CACNA1B: variants seen among roughly 807,000 people sequenced by gnomAD.
CACNA1B encodes the protein calcium voltage-gated channel subunit alpha1 B.
CACNA1B carries 70 observed loss-of-function variants against 247.2 expected under a neutral mutation model. The ratio of observed to expected loss-of-function variants is 0.28; its 90% CI spans 0.23 to 0.35. The LOEUF (loss-of-function observed/expected upper bound fraction) is 0.35. Ranked by LOEUF, CACNA1B falls within the 10% of genes least tolerant of loss-of-function variation. CACNA1B has a pLI of 1.00. For missense variants in CACNA1B, 2,367 were observed against 3,197.4 expected (o/e 0.74, Z 6.26); for synonymous variants, 1,231 against 1,294.4 (o/e 0.95, Z 1.05).
intron 15 of CACNA1B, among the ~76,000 whole-genome samples, chr9:138,004,420 C>T (rs1391833321): frequency 2.6e-5 from 4 of 151,836 alleles, no homozygotes; most frequent in Admixed American, 6.6e-5. Flanking sequence ...CATGGTGGCA[C>T]CTGCCTGTGG....
In CACNA1B at chr9:138,052,401, C is replaced by T. The variant is rs984165348; in HGVS notation, c.3807+213C>T. Among the ~76,000 whole-genome samples the T allele has an allele frequency of 1.3e-5, 2 of 152,130 alleles. No homozygotes were observed. The highest frequency in any genetic ancestry group is 4.8e-5 in the African/African-American group (2 of 41,438). On this transcript the variant is annotated intron_variant, in intron 25 of 46. Transcript: ENST00000371372. This position sits in a 1 kb window ranked among gnomAD's most constrained non-coding sequence, Gnocchi z 5.1. ...TCCTGTGAGAATCCTCCTCCTTAGCCCAGCAGGACCAGGCGGCACAGGGTT... is the reference window on the plus strand; with the variant it reads ...TCCTGTGAGAATCCTCCTCCTTAGCTCAGCAGGACCAGGCGGCACAGGGTT...
rs890343147 is a variant in CACNA1B at position 137,952,430 on chromosome 9, G to A, written c.1070+53G>A. ...GTGCCCCTCTGTGTTCTCAGCTGAG[G>A]GGTCAACAGGGGCACGTGTGACACT... On this transcript the variant is annotated intron_variant, in intron 7 of 46. Coordinates refer to ENST00000371372, the MANE Select transcript of CACNA1B (RefSeq NM_000718.4). This position sits in a 1 kb window ranked among gnomAD's most constrained non-coding sequence, Gnocchi z 4.8. 7.0e-7 allele frequency: 1 copy of A among 1,418,562 alleles called. No homozygotes were observed. Among genetic ancestry groups the A allele is most frequent in the Non-Finnish European group, 1.0e-6 (1 of 1,003,330 alleles). 87.9% of individuals were successfully genotyped at this position (1,418,562 alleles called of 1,614,324 possible).
In CACNA1B at chr9:138,050,987, G is replaced by A. The variant is rs1242134692; in HGVS notation, c.3711-1105G>A. On this transcript the variant is annotated intron_variant, in intron 24 of 46. Coordinates refer to ENST00000371372, the MANE Select transcript of CACNA1B (RefSeq NM_000718.4). The surrounding 1 kb of genome is among the most constrained non-coding windows in gnomAD (Gnocchi z 5.2). ...CTGGAGCCCCAGGAAGAGCACAGGG[G>A]GCAGGGCCACCCCTAGAAGCAGGCC... is the stretch of plus-strand genomic sequence containing the variant. Among the ~76,000 whole-genome samples, 1 of 152,148 alleles carries A rather than the reference G, an allele frequency of 6.6e-6. No homozygotes were observed. The highest frequency in any genetic ancestry group is 1.9e-4 in the East Asian group (1 of 5,180).
chr9:138,003,769 C>T (rs950430927), intron 15 of CACNA1B, among the ~76,000 whole-genome samples: 5 of 143,248 alleles, frequency 3.5e-5, no homozygotes, highest in Admixed American at 2.1e-4. Flanking sequence ...ATCAAACTCA[C>T]GGGCTTGCCT....
intron 23 of CACNA1B, 37 bp from the exon 24 acceptor site, chr9:138,049,172 G>T: frequency 7.4e-7 from 1 of 1,360,190 alleles, no homozygotes; most frequent in Non-Finnish European, 1.1e-6. Flanking sequence ...GTCTTTTCTG[G>T]ACTATGACGT....
intron 6 of CACNA1B, among the ~76,000 whole-genome samples, chr9:137,923,196 C>T (rs940161078): frequency 1.7e-4 from 25 of 149,876 alleles, no homozygotes; most frequent in African/African-American, 2.7e-4. Flanking sequence ...GGTGGTATTC[C>T]GTGGTGCCAG....
chr9:138,024,700 C>T (rs1958898837), intron 19 of CACNA1B, among the ~76,000 whole-genome samples: 1 of 152,172 alleles, frequency 6.6e-6, no homozygotes, highest in African/African-American at 2.4e-5. Flanking sequence ...GCAATCATGG[C>T]TCACTGCAGC....
At chr9:138,001,089 C>A (rs1958571689) in intron 15 of CACNA1B, among the ~76,000 whole-genome samples, 1 of 151,884 alleles carries the variant, frequency 6.6e-6, no homozygotes, top group Non-Finnish European at 1.5e-5. Flanking sequence ...TAAAAAAGAA[C>A]CTAATAGCTA....
intron 6 of CACNA1B, among the ~76,000 whole-genome samples, chr9:137,931,647 G>A (rs1957609212): frequency 6.6e-6 from 1 of 151,830 alleles, no homozygotes; most frequent in African/African-American, 2.4e-5. Context: ...TGCTGATTTG[G>A]GCACAGTTCC....
intron 20 of CACNA1B, chr9:138,040,720 G>A: frequency 4.8e-6 from 1 of 209,528 alleles, no homozygotes; most frequent in South Asian, 5.5e-5. Context: ...GACATTCGCT[G>A]GCAGCTGATT....
Position 138,007,224 on chromosome 9 carries a change from G to A in CACNA1B, c.2092+340G>A, listed in dbSNP as rs1473974890. Among the ~76,000 whole-genome samples the A allele has an allele frequency of 1.3e-5, 2 of 152,190 alleles. No homozygotes were observed. The highest frequency in any genetic ancestry group is 4.8e-5 in the African/African-American group (2 of 41,444). ...TTTGTTTTCACTTTGATTTAATTGT[G>A]TACTTAGGTTTTGGCACTGGGCTTT... On this transcript the variant is annotated intron_variant, in intron 16 of 46. Transcript: ENST00000371372. This position sits in a 1 kb window ranked among gnomAD's most constrained non-coding sequence, Gnocchi z 4.1.
At chr9:138,096,433 A>AGGGCAGGCT in intron 36 of CACNA1B, 51 bp from the exon 37 acceptor site, 1 of 1,502,050 alleles carries the variant, frequency 6.7e-7, no homozygotes, top group Admixed American at 1.7e-5. Flanking sequence ...GGCGGCGGGG[A>AGGGCAGGCT]GGGCAGGCTG....
chr9:138,046,838 G>C, intron 21 of CACNA1B, 66 bp from the exon 22 acceptor site: 2 of 1,538,068 alleles, frequency 1.3e-6, no homozygotes, highest in Non-Finnish European at 1.8e-6. Flanking sequence ...GGCTGAGCCT[G>C]CCCTGTGGCA....
At position 138,058,541 on chromosome 9, in the gene CACNA1B, GTC is replaced by G; in HGVS notation, c.4309-24_4309-23del. 1 of 1,588,616 alleles carries G rather than the reference GTC, an allele frequency of 6.3e-7. No individual in the cohort carries two copies. Among genetic ancestry groups the G allele is most frequent in the Non-Finnish European group, 8.6e-7 (1 of 1,168,516 alleles). The stretch of plus-strand genomic sequence containing the variant: ...CGTCGGGTAGGTTTTCTGCTTCTGA[GTC>G]TCTGTGCTCCTTTCTCCCCTTACAG... On this transcript the variant is annotated intron_variant, in intron 28 of 46. Coordinates refer to ENST00000371372, the MANE Select transcript of CACNA1B (RefSeq NM_000718.4). The surrounding 1 kb of genome is among the most constrained non-coding windows in gnomAD (Gnocchi z 4.7).
intron 20 of CACNA1B, among the ~76,000 whole-genome samples, chr9:138,030,155 G>A (rs1958971289): frequency 6.6e-6 from 1 of 152,108 alleles, no homozygotes; most frequent in Admixed American, 6.6e-5. Flanking sequence ...CCTGGAGGGA[G>A]GATTTTGTCT....
rs560198989 is a variant in CACNA1B, at chr9:137,881,976, C to T, written c.391-768C>T. Among the ~76,000 whole-genome samples, 15 of 152,336 alleles carry T rather than the reference C, an allele frequency of 9.8e-5. No homozygotes were observed. The South Asian group carries it at 1.0e-3, about 11-fold the overall frequency. On this transcript the variant is annotated intron_variant, in intron 2 of 46. Coordinates refer to ENST00000371372, the MANE Select transcript of CACNA1B (RefSeq NM_000718.4). This position sits in a 1 kb window ranked among gnomAD's most constrained non-coding sequence, Gnocchi z 4.3. ...GCCACGCCCTCTGGGAGGCTCCCTG[C>T]GGTCTGAGCCCAGGGTGGCTCCCAG...
intron 15 of CACNA1B, among the ~76,000 whole-genome samples, chr9:137,987,396 T>G (rs1031749817): frequency 6.6e-6 from 1 of 152,208 alleles, no homozygotes; most frequent in Non-Finnish European, 1.5e-5. Context: ...GAGGACTTTC[T>G]TGGTTGGGTA....
rs1589102252 is a variant in CACNA1B at position 138,058,073 on chromosome 9, C to T, written c.4131C>T (p.Ala1377=). ...WPMVLKHSVD[A]TYEEQGPSPG... is the part of the protein sequence containing the mutation. ...GGGTGCTGAAACACTCCGTGGATGC[C>T]ACCTATGAGGAGCAGGGTCCAAGCC... The change falls in exon 28 of 47, where the codon GCC becomes GCT. Residue 1377 remains alanine (A), a synonymous_variant. Coordinates refer to ENST00000371372, the MANE Select transcript of CACNA1B (RefSeq NM_000718.4). The surrounding 1 kb of genome is among the most constrained non-coding windows in gnomAD (Gnocchi z 4.7). 1 of 1,613,922 alleles carries T rather than the reference C, an allele frequency of 6.2e-7. No homozygotes were observed. The highest frequency in any genetic ancestry group is 2.2e-5 in the East Asian group (1 of 44,888).
At chr9:137,999,060 G>A (rs574257538) in intron 15 of CACNA1B, among the ~76,000 whole-genome samples, 4 of 151,962 alleles carry the variant, frequency 2.6e-5, no homozygotes, top group East Asian at 1.9e-4. Context: ...TAATCCCAGC[G>A]CTTTGGGAGG....
Sources: gnomAD v4.1 joint callset for allele counts (sites outside exome capture counted in the v4.1 genomes callset) on GRCh38, gnomAD v4.1.1 for gene constraint, Gnocchi (gnomAD v3.1) non-coding constraint, MANE v1.5 for transcripts, NCBI Gene and HGNC (gene_info 2026-07-23, HGNC 2026-07-21) for gene names.